The following TMEM217B variants were observed in gnomAD, a reference collection of about 807,000 sequenced individuals.
TMEM217B encodes the protein putative transmembrane protein 217B.
chr6:37,254,894 T>C, the TMEM217B span, among the ~76,000 whole-genome samples: 1 of 152,110 alleles, frequency 6.6e-6, no homozygotes, highest in Non-Finnish European at 1.5e-5. Context: ...ATGAAACAGT[T>C]CCACTTCAAA....
chr6:37,255,918 AT>A, the TMEM217B span, among the ~76,000 whole-genome samples: 2 of 152,246 alleles, frequency 1.3e-5, no homozygotes, highest in African/African-American at 4.8e-5. Context: ...GGGGAAACTG[AT>A]ATAGAAAACA....
At chr6:37,212,539 G>C in the TMEM217B span, 4 of 458,794 alleles carry the variant, frequency 8.7e-6, no homozygotes, top group Admixed American at 7.0e-5. Flanking sequence ...AAGGTTGTAT[G>C]CATGCTTGAC....
the TMEM217B span, chr6:37,215,054 A>G: frequency 1.0e-6 from 1 of 995,068 alleles, no homozygotes; most frequent in East Asian, 2.6e-5. Context: ...GTCTGTATAA[A>G]GCCCACTGGT....
the TMEM217B span, among the ~76,000 whole-genome samples, chr6:37,215,689 G>T: frequency 6.6e-6 from 1 of 151,850 alleles, no homozygotes; most frequent in Non-Finnish European, 1.5e-5. Context: ...AACAGTGAGA[G>T]AGATGAAAAA....
the TMEM217B span, among the ~76,000 whole-genome samples, chr6:37,225,094 G>T: frequency 6.6e-6 from 1 of 151,848 alleles, no homozygotes; most frequent in African/African-American, 2.4e-5. Context: ...CAGCTACTCC[G>T]GAGGCTGAGG....
At chr6:37,252,633 A>ATTTTT in the TMEM217B span, among the ~76,000 whole-genome samples, 7 of 75,276 alleles carry the variant, frequency 9.3e-5, no homozygotes, top group African/African-American at 4.0e-4. Flanking sequence ...ATATATATAT[A>ATTTTT]TATATTTTTT....
chr6:37,215,570 C>CGAAAAAAAAAAAAAAAAAAAAAAA, the TMEM217B span, among the ~76,000 whole-genome samples: 1 of 72,376 alleles, frequency 1.4e-5, no homozygotes. Context: ...GACTCTGTCT[C>CGAAAAAAAAAAAAAAAAAAAAAAA]AAAAAAAAAA....
At chr6:37,248,575 T>C in the TMEM217B span, among the ~76,000 whole-genome samples, 1 of 152,348 alleles carries the variant, frequency 6.6e-6, no homozygotes, top group Non-Finnish European at 1.5e-5. Flanking sequence ...TCATCTAGCT[T>C]GAGGGTCCTC....
At chr6:37,239,066 A>T in the TMEM217B span, among the ~76,000 whole-genome samples, 47 of 152,200 alleles carry the variant, frequency 3.1e-4, no homozygotes, top group Non-Finnish European at 4.7e-4. Context: ...AGAGGTGGAG[A>T]GGTTGCAGTG....
chr6:37,229,806 C>T, the TMEM217B span, among the ~76,000 whole-genome samples: 1 of 152,190 alleles, frequency 6.6e-6, no homozygotes, highest in Non-Finnish European at 1.5e-5. Context: ...CAAATTACCA[C>T]AAACTGAGTG....
the TMEM217B span, among the ~76,000 whole-genome samples, chr6:37,234,389 C>A: frequency 6.6e-6 from 1 of 152,286 alleles, no homozygotes; most frequent in South Asian, 2.1e-4. Flanking sequence ...CGTGAGCCAC[C>A]ACGCCTTGCC....
the TMEM217B span, among the ~76,000 whole-genome samples, chr6:37,252,637 ATTTTTT>A: frequency 0.073 from 5,153 of 70,802 alleles, 141 homozygotes; most frequent in Middle Eastern, 0.14. Flanking sequence ...ATATATATAT[ATTTTTT>A]TTTTTTTTTT....
chr6:37,246,220 T>C, the TMEM217B span, among the ~76,000 whole-genome samples: 1 of 152,334 alleles, frequency 6.6e-6, no homozygotes, highest in South Asian at 2.1e-4. Context: ...ACAACAATGA[T>C]GCAAAATTCA....
chr6:37,251,718 A>G, the TMEM217B span, among the ~76,000 whole-genome samples: 1 of 152,214 alleles, frequency 6.6e-6, no homozygotes, highest in African/African-American at 2.4e-5. Context: ...GACGGAGGGG[A>G]ATGAGATCAG....
chr6:37,257,856 C>T, the TMEM217B span: 1 of 1,577,102 alleles, frequency 6.3e-7, no homozygotes, highest in Non-Finnish European at 8.6e-7. Context: ...ATTGCGGGGT[C>T]TGGGGGCATC....
At chr6:37,224,372 G>A in the TMEM217B span, among the ~76,000 whole-genome samples, 1 of 151,502 alleles carries the variant, frequency 6.6e-6, no homozygotes, top group Admixed American at 6.6e-5. Flanking sequence ...GCTGAGGTGG[G>A]CGGATCATGA....
At chr6:37,234,126 G>A in the TMEM217B span, among the ~76,000 whole-genome samples, 3 of 138,516 alleles carry the variant, frequency 2.2e-5, no homozygotes, top group East Asian at 6.3e-4. Flanking sequence ...TTTTGAGATA[G>A]TCTTGCTCTG....
At chr6:37,222,095 C>T in the TMEM217B span, among the ~76,000 whole-genome samples, 2 of 152,348 alleles carry the variant, frequency 1.3e-5, no homozygotes, top group South Asian at 4.1e-4. Flanking sequence ...ATCCTCTGCC[C>T]TGCTCTGGCT....
the TMEM217B span, chr6:37,212,580 C>T: frequency 4.0e-5 from 19 of 470,174 alleles, no homozygotes; most frequent in Admixed American, 4.0e-4. Context: ...AGTGCAGGAG[C>T]ATGTGTGAGA....
Sources: allele counts gnomAD v4.1 joint callset (sites outside exome capture counted in the v4.1 genomes callset), GRCh38; gene constraint gnomAD v4.1.1; transcripts MANE v1.5; gene names NCBI Gene and HGNC (gene_info 2026-07-23, HGNC 2026-07-21).